The following RTF2 variants were observed in gnomAD, a reference collection of about 807,000 sequenced individuals.
RTF2 encodes replication termination factor 2, also known as UPF0549 protein C20orf43.
A neutral mutation model predicts 38.0 loss-of-function variants in RTF2; 18 were observed. That is an observed-to-expected ratio of 0.47 (90% CI 0.33 to 0.70). The LOEUF (loss-of-function observed/expected upper bound fraction) is 0.70, where lower values mean the gene tolerates loss of function less well. RTF2 is among the 30% of genes least tolerant of loss of function. The pLI is 0.02. For synonymous variants in RTF2, 126 were observed against 137.1 expected, an observed-to-expected ratio of 0.92 and a Z score of 0.57; for missense variants, 311 against 379.6, an observed-to-expected ratio of 0.82 and a Z score of 1.50.
intron 5 of RTF2, chr20:56,491,681 G>A (rs762497948): frequency 3.2e-6 from 5 of 1,552,118 alleles, no homozygotes; most frequent in South Asian, 2.4e-5. Flanking sequence ...AACCACAAGC[G>A]GGTCTGTCGA....
chr20:56,483,489 A>G (rs548940400), intron 4 of RTF2, among the ~76,000 whole-genome samples: 158 of 152,030 alleles, frequency 1.0e-3, no homozygotes, highest in African/African-American at 3.6e-3. Context: ...CACTTGGCTA[A>G]GTTTTTAAAA....
chr20:56,483,502 A>AT lies in RTF2; in HGVS notation c.399-600dup, dbSNP rs57288517. Among the ~76,000 whole-genome samples, 1,237 of 151,248 alleles carry AT rather than the reference A, an allele frequency of 8.2e-3. 18 individuals carry two copies. The highest frequency in any genetic ancestry group is 0.029 in the African/African-American group (1,191 of 41,220). On this transcript the variant is annotated intron_variant, in intron 4 of 8. Transcript: ENST00000357348. Reference sequence around the variant, plus strand: ...CACACTTGGCTAAGTTTTTAAAAAGATTTTTTTTTAGAGATAGGTTCTCAG... The same window carrying AT: ...CACACTTGGCTAAGTTTTTAAAAAGATTTTTTTTTTAGAGATAGGTTCTCAG...
At chr20:56,495,483 G>T (rs3827107) in intron 5 of RTF2, among the ~76,000 whole-genome samples, 12 of 152,066 alleles carry the variant, frequency 7.9e-5, no homozygotes, top group African/African-American at 2.9e-4. Context: ...AGTGCTTTTG[G>T]GGGTGGGAGC....
chr20:56,469,682 T>G, intron 1 of RTF2, among the ~76,000 whole-genome samples: 1 of 152,204 alleles, frequency 6.6e-6, no homozygotes, highest in South Asian at 2.1e-4. Flanking sequence ...GTAAACCCCT[T>G]AAGTCACTAT....
At chr20:56,495,063 C>T (rs1452696773) in intron 5 of RTF2, 5 of 639,730 alleles carry the variant, frequency 7.8e-6, no homozygotes, top group Non-Finnish European at 1.3e-5. Context: ...ATTGACTCAA[C>T]CTATACTAAT....
At chr20:56,485,811 C>T (rs1982767187) in intron 5 of RTF2, among the ~76,000 whole-genome samples, 1 of 152,212 alleles carries the variant, frequency 6.6e-6, no homozygotes, top group Admixed American at 6.5e-5. Flanking sequence ...TGACATGGTT[C>T]CTGCACTCAC....
At chr20:56,506,605 T>C (rs1468961917) in intron 5 of RTF2, among the ~76,000 whole-genome samples, 1 of 152,204 alleles carries the variant, frequency 6.6e-6, no homozygotes, top group Admixed American at 6.5e-5. Flanking sequence ...AATATAAATA[T>C]ACAATTACTA....
chr20:56,470,486 T>C, intron 1 of RTF2: 2 of 434,534 alleles, frequency 4.6e-6, no homozygotes, highest in South Asian at 1.6e-5. Context: ...AGTCTAGCCC[T>C]GGTGGAGCTT....
chr20:56,515,464 C>G (rs1345260353), intron 6 of RTF2, among the ~76,000 whole-genome samples: 1 of 151,912 alleles, frequency 6.6e-6, no homozygotes, highest in African/African-American at 2.4e-5. Flanking sequence ...CCCATGTACT[C>G]CAGAGGCTGA....
At chr20:56,499,567 T>A (rs7267132) in intron 5 of RTF2, among the ~76,000 whole-genome samples, 2,907 of 152,272 alleles carry the variant, frequency 0.019, 87 homozygotes, top group African/African-American at 0.066. Context: ...CCATAGAAAT[T>A]GAATAGGAAA....
intron 1 of RTF2, chr20:56,471,615 A>AGTCTTTC (rs1416487708): frequency 1.3e-5 from 2 of 152,154 alleles, no homozygotes; most frequent in African/African-American, 4.8e-5. Flanking sequence ...TCTTTCCAGT[A>AGTCTTTC]CAGATATGTA....
chr20:56,497,176 T>A, intron 5 of RTF2: 1 of 1,551,356 alleles, frequency 6.4e-7, no homozygotes, highest in Non-Finnish European at 8.7e-7. Flanking sequence ...ATTGGGGCCT[T>A]TTCATCAACA....
intron 5 of RTF2, among the ~76,000 whole-genome samples, chr20:56,511,840 C>CT (rs371436160): frequency 3.0e-3 from 453 of 149,512 alleles, no homozygotes; most frequent in African/African-American, 6.8e-3. Flanking sequence ...TTAGACCCCT[C>CT]TTTTTTTTTT....
At position 56,502,897 on chromosome 20, in the gene RTF2, G is replaced by A. The variant is rs191586860; in HGVS notation, c.478-10418G>A. On this transcript the variant is annotated intron_variant, in intron 5 of 8. Transcript: ENST00000357348. Reference sequence around the variant, plus strand: ...TCACAGCCCTAGCACTTACGAGTCTGTTGGGCAAGTGACGGAAGCTCCTGA... The same window carrying A: ...TCACAGCCCTAGCACTTACGAGTCTATTGGGCAAGTGACGGAAGCTCCTGA... Among the ~76,000 whole-genome samples the A allele has an allele frequency of 1.5e-3, 230 of 152,354 alleles. 1 individual carries two copies. Among genetic ancestry groups the A allele is most frequent in the African/African-American group, 5.2e-3 (218 of 41,582 alleles).
chr20:56,513,575 T>C, intron 6 of RTF2, 147 bp downstream of exon 6: 1 of 1,019,798 alleles, frequency 9.8e-7, no homozygotes, highest in East Asian at 2.8e-5. Flanking sequence ...TAGAAGCAGA[T>C]TCCAGCTGAG....
intron 8 of RTF2, 87 bp downstream of exon 8, chr20:56,517,288 T>C (rs1985111203): frequency 9.9e-7 from 1 of 1,014,744 alleles, no homozygotes; most frequent in Admixed American, 1.9e-5. Context: ...AGTGGGTGGA[T>C]GGGAAGCCCA....
In RTF2 at chr20:56,518,303, T is replaced by C. The variant is rs1985180546; in HGVS notation, c.*38T>C. 1 of 1,588,612 alleles carries C rather than the reference T, an allele frequency of 6.3e-7. No individual in the cohort carries two copies. Among genetic ancestry groups the C allele is most frequent in the Non-Finnish European group, 8.6e-7 (1 of 1,168,094 alleles). On this transcript the variant is annotated 3_prime_UTR_variant, in exon 9 of 9. Coordinates refer to ENST00000357348, the MANE Select transcript of RTF2 (RefSeq NM_016407.5). ...CACCGCTCCTGCCCCAGAAGGTTGT[T>C]TAGTTTCCACGTAGGCAGGTCGCTT...
chr20:56,469,567 A>G (rs1178081407), intron 1 of RTF2, among the ~76,000 whole-genome samples: 1 of 152,236 alleles, frequency 6.6e-6, no homozygotes, highest in African/African-American at 2.4e-5. Context: ...TAATGATAAA[A>G]TATTTGTAAA....
chr20:56,491,461 T>G (rs1198193869), intron 5 of RTF2: 1 of 782,122 alleles, frequency 1.3e-6, no homozygotes, highest in African/African-American at 1.7e-5. Context: ...TAGGAATAGT[T>G]TGTATCAAGG....
Sources: gnomAD v4.1 joint callset for allele counts (sites outside exome capture counted in the v4.1 genomes callset) on GRCh38, gnomAD v4.1.1 for gene constraint, MANE v1.5 for transcripts, NCBI Gene and HGNC (gene_info 2026-07-23, HGNC 2026-07-21) for gene names.